The following ZFYVE21 variants were observed in gnomAD, a reference collection of about 807,000 sequenced individuals.
ZFYVE21 encodes the protein zinc finger FYVE-type containing 21.
Under a neutral mutation model 29.5 loss-of-function variants are expected in ZFYVE21, and 21 were observed. That is an observed-to-expected ratio of 0.71 (90% confidence interval 0.50 to 1.02). The LOEUF (loss-of-function observed/expected upper bound fraction) is 1.02, where lower values mean the gene tolerates loss of function less well. Among genes scored for constraint, ZFYVE21 ranks in the 50% least tolerant of loss-of-function variants. The pLI is 0.00. For synonymous variants in ZFYVE21, 151 were observed against 133.8 expected (o/e 1.13, Z -0.89); for missense variants, 326 against 335.4 (o/e 0.97, Z 0.22).
At chr14:103,732,897 C>T in intron 6 of ZFYVE21, 86 bp from the exon 7 acceptor site, 9 of 1,606,100 alleles carry the variant, frequency 5.6e-6, no homozygotes, top group Non-Finnish European at 5.1e-6. Context: ...GTGCCCACGC[C>T]ATCTCCCCTG....
intron 1 of ZFYVE21, among the ~76,000 whole-genome samples, chr14:103,721,422 G>A (rs1179538568): frequency 1.3e-5 from 2 of 152,186 alleles, no homozygotes; most frequent in Admixed American, 6.5e-5. Flanking sequence ...ATAGCTTCCC[G>A]CCGAGCCTGT....
At chr14:103,725,424 G>A (rs554978988) in intron 1 of ZFYVE21, 1 of 152,548 alleles carries the variant, frequency 6.6e-6, no homozygotes, top group East Asian at 1.9e-4. Flanking sequence ...CAGGCTCTGT[G>A]GTGGTCGGAG....
rs117630374 is a variant in ZFYVE21, at chr14:103,721,702, T to C, written c.139-5090T>C. Among the ~76,000 whole-genome samples, 346 of 152,382 alleles carry C rather than the reference T, an allele frequency of 2.3e-3. 2 individuals carry two copies. The highest frequency in any genetic ancestry group is 7.7e-3 in the Admixed American group (118 of 15,310). Reference sequence around the variant, plus strand: ...CCTTGCCTCACTCTCCCTCTTCATCTCTGTGTGTTTGTCACAGCCTGCACC... The same window carrying C: ...CCTTGCCTCACTCTCCCTCTTCATCCCTGTGTGTTTGTCACAGCCTGCACC... On this transcript the variant is annotated intron_variant, in intron 1 of 6. Transcript: ENST00000311141.
At chr14:103,728,214 G>A (rs544831072) in intron 3 of ZFYVE21, 6 of 323,860 alleles carry the variant, frequency 1.9e-5, no homozygotes, top group South Asian at 8.1e-5. Flanking sequence ...ACCCGGCGCC[G>A]GCGCTCGGGC....
intron 1 of ZFYVE21, chr14:103,725,200 T>C (rs1330256955): frequency 6.6e-6 from 1 of 152,316 alleles, no homozygotes; most frequent in African/African-American, 2.4e-5. Flanking sequence ...CCCCCTGCCA[T>C]CTGGAGTGAG....
rs936637896 is a variant in ZFYVE21, at chr14:103,733,641, T to C, written c.*623T>C. The C allele has an allele frequency of 6.5e-6, 1 of 152,768 alleles. No homozygotes were observed. Among genetic ancestry groups the C allele is most frequent in the Non-Finnish European group, 1.5e-5 (1 of 68,134 alleles). The allele number at this position is 152,768 out of a possible 1,614,324, so 9.5% of individuals were successfully genotyped here. On this transcript the variant is annotated 3_prime_UTR_variant, in exon 7 of 7. Coordinates refer to ENST00000311141, the MANE Select transcript of ZFYVE21 (RefSeq NM_024071.4). ...TACAGCAATTTGTATATAAAGCTTA[T>C]GATTAAAAACTATTTTGAACATACG...
intron 1 of ZFYVE21, among the ~76,000 whole-genome samples, chr14:103,721,736 C>T (rs529748995): frequency 4.6e-5 from 7 of 152,258 alleles, no homozygotes; most frequent in Admixed American, 6.5e-5. Flanking sequence ...CCTCTGGCCT[C>T]GTGGCCCTCA....
At chr14:103,721,934 G>A (rs766625914) in intron 1 of ZFYVE21, among the ~76,000 whole-genome samples, 9 of 152,216 alleles carry the variant, frequency 5.9e-5, no homozygotes, top group Admixed American at 1.3e-4. Context: ...TCCAGACACC[G>A]CTGGCCACCT....
intron 2 of ZFYVE21, 148 bp downstream of exon 2, chr14:103,726,990 G>C (rs1284137749): frequency 2.6e-6 from 2 of 763,590 alleles, no homozygotes; most frequent in Non-Finnish European, 4.1e-6. Flanking sequence ...TTGTCGCCCA[G>C]GCTGGAGTGC....
intron 1 of ZFYVE21, among the ~76,000 whole-genome samples, chr14:103,717,164 G>A (rs2083831395): frequency 6.6e-6 from 1 of 152,162 alleles, no homozygotes; most frequent in African/African-American, 2.4e-5. Context: ...AGTGTACGGA[G>A]CCATCACCGG....
rs774960479 is a variant in ZFYVE21 at position 103,726,795 on chromosome 14, C to G, written c.142C>G (p.Arg48Gly). ...CGCTTTGTCGTGTCTTTCCTAGTGT[C>G]GGAGATGTATGCAGTGTGACGCCAA... ...EPQWVPDKEC[R>G]RCMQCDAKFD... The change falls in exon 2 of 7, where the codon CGG (arginine) becomes GGG (glycine). Residue 48 changes from arginine (R) to glycine (G), a missense_variant. Arg to Gly is a moderately radical substitution (Grantham distance 125). Coordinates refer to ENST00000311141, the MANE Select transcript of ZFYVE21 (RefSeq NM_024071.4). The G allele has an allele frequency of 1.2e-6, 2 of 1,613,864 alleles. No homozygotes were observed. The highest frequency in any genetic ancestry group is 1.7e-6 in the Non-Finnish European group (2 of 1,179,976).
intron 1 of ZFYVE21, among the ~76,000 whole-genome samples, chr14:103,719,432 G>A (rs1279323029): frequency 6.0e-5 from 9 of 150,820 alleles, no homozygotes; most frequent in Admixed American, 5.3e-4. Context: ...TTCAGCCTGG[G>A]TGACAGAGCA....
chr14:103,718,650 G>T (rs1183224827), intron 1 of ZFYVE21, among the ~76,000 whole-genome samples: 1 of 152,184 alleles, frequency 6.6e-6, no homozygotes, highest in Non-Finnish European at 1.5e-5. Flanking sequence ...CGACACTGAC[G>T]CAAGGCAGTG....
In ZFYVE21 at chr14:103,728,992, C is replaced by G; in HGVS notation, c.434+9C>G. On this transcript the variant is annotated intron_variant, in intron 4 of 6. Coordinates refer to ENST00000311141, the MANE Select transcript of ZFYVE21 (RefSeq NM_024071.4). ...CTTTCCAATAACCAGAGGTAAGAGC[C>G]GGATCCTGCTTGGCACGGGGCAGCA... 6.2e-7 allele frequency: 1 copy of G among 1,613,884 alleles called. No individual in the cohort carries two copies. The highest frequency in any genetic ancestry group is 8.5e-7 in the Non-Finnish European group (1 of 1,179,966).
chr14:103,725,133 G>C (rs1393715305), intron 1 of ZFYVE21: 1 of 152,312 alleles, frequency 6.6e-6, no homozygotes, highest in Non-Finnish European at 1.5e-5. Context: ...CTGTTAGAGC[G>C]GGGGAGCCGG....
chr14:103,723,263 G>A (rs969744426), intron 1 of ZFYVE21, among the ~76,000 whole-genome samples: 17 of 152,250 alleles, frequency 1.1e-4, no homozygotes, highest in Non-Finnish European at 5.9e-5. Flanking sequence ...CCACACAGAG[G>A]CAGGGACTGT....
chr14:103,727,508 A>G, intron 2 of ZFYVE21: 1 of 679,012 alleles, frequency 1.5e-6, no homozygotes, highest in Non-Finnish European at 2.7e-6. Flanking sequence ...AAGAAAGCTG[A>G]AAAACAGCCA....
chr14:103,723,706 CT>C (rs2083893508), intron 1 of ZFYVE21, among the ~76,000 whole-genome samples: 1 of 152,218 alleles, frequency 6.6e-6, no homozygotes, highest in African/African-American at 2.4e-5. Context: ...GTACACGTGG[CT>C]GTGGGCCCCA....
intron 1 of ZFYVE21, among the ~76,000 whole-genome samples, chr14:103,721,445 A>G (rs2083871822): frequency 6.6e-6 from 1 of 152,202 alleles, no homozygotes; most frequent in Admixed American, 6.5e-5. Context: ...TTGGCCCTGC[A>G]AGGTGGCCAC....
Sources: gnomAD v4.1 joint callset for allele counts (sites outside exome capture counted in the v4.1 genomes callset) on GRCh38, gnomAD v4.1.1 for gene constraint, MANE v1.5 for transcripts, NCBI Gene and HGNC (gene_info 2026-07-23, HGNC 2026-07-21) for gene names.